Variants in KCNH6 observed in about 807,000 individuals in gnomAD.
KCNH6 encodes the protein voltage-gated inwardly rectifying potassium channel KCNH6.
Under a neutral mutation model 83.4 loss-of-function variants are expected in KCNH6, and 81 were observed. That is an observed-to-expected ratio of 0.97 (90% confidence interval 0.81 to 1.17). KCNH6 has a LOEUF of 1.17. KCNH6 is among the 50% of genes most tolerant of loss of function. The pLI is 0.00. For missense variants in KCNH6, 1,203 were observed against 1,290.5 expected (o/e 0.93, Z 1.04); for synonymous variants, 503 against 545.6 (o/e 0.92, Z 1.09).
intron 10 of KCNH6, chr17:63,544,030 G>C: frequency 6.4e-7 from 1 of 1,567,052 alleles, no homozygotes. Context: ...CATGAGCTGG[G>C]GCCCCAGTTC....
chr17:63,538,789 A>G lies in KCNH6; in HGVS notation c.1954+127A>G. On this transcript the variant is annotated intron_variant, in intron 8 of 12. Coordinates refer to ENST00000314672, the MANE Select transcript of KCNH6 (RefSeq NM_001278919.2). This position sits in a 1 kb window ranked among gnomAD's most constrained non-coding sequence, Gnocchi z 4.0. The stretch of plus-strand genomic sequence containing the variant: ...TACTTTTACTGGCAGCCACTTGCAC[A>G]GCATGTGCCCGGGAGAGCTTTAGAC... The G allele has an allele frequency of 3.0e-6, 3 of 992,472 alleles. No homozygotes were observed. The highest frequency in any genetic ancestry group is 4.4e-6 in the Non-Finnish European group (3 of 684,478). The allele number at this position is 992,472 out of a possible 1,614,324, so 61.5% of individuals were successfully genotyped here.
rs72845069 is a variant in KCNH6, at chr17:63,535,534, G to A, written c.1102-135G>A. 533 of 783,950 alleles carry A rather than the reference G, an allele frequency of 6.8e-4. 1 individual carries two copies. The highest frequency in any genetic ancestry group is 9.4e-4 in the Non-Finnish European group (467 of 496,742). The allele number at this position is 783,950 out of a possible 1,614,324, so 48.6% of individuals were successfully genotyped here. Reference sequence around the variant, plus strand: ...CATACTGTGCCACACTGCCAAGTGCGTGGCCCGGAGGAAGTTCTCCATAAA... The same window carrying A: ...CATACTGTGCCACACTGCCAAGTGCATGGCCCGGAGGAAGTTCTCCATAAA... On this transcript the variant is annotated intron_variant, in intron 5 of 12. Transcript: ENST00000314672. The surrounding 1 kb of genome is among the most constrained non-coding windows in gnomAD (Gnocchi z 4.9).
chr17:63,524,029 C>T, intron 1 of KCNH6, 110 bp from the exon 2 acceptor site: 1 of 777,520 alleles, frequency 1.3e-6, no homozygotes, highest in Non-Finnish European at 2.3e-6. Flanking sequence ...CACTGCCCTG[C>T]TCCTCTGCCT....
chr17:63,531,597 C>T (rs1334227330), intron 4 of KCNH6, among the ~76,000 whole-genome samples: 1 of 152,240 alleles, frequency 6.6e-6, no homozygotes, highest in Non-Finnish European at 1.5e-5. Flanking sequence ...CTCAGCACCT[C>T]ACTGACCTCA....
chr17:63,542,052 A>G (rs2147722588), intron 8 of KCNH6, among the ~76,000 whole-genome samples, 189 bp from the exon 9 acceptor site: 1 of 152,306 alleles, frequency 6.6e-6, no homozygotes, highest in South Asian at 2.1e-4. Flanking sequence ...GGACACAGGA[A>G]GAGAACAGCC....
intron 6 of KCNH6, among the ~76,000 whole-genome samples, chr17:63,537,584 A>G (rs1213630457): frequency 2.0e-5 from 3 of 151,978 alleles, no homozygotes; most frequent in African/African-American, 7.3e-5. Flanking sequence ...ACAGACGGGC[A>G]TCACCATGCC....
Position 63,538,716 on chromosome 17 carries a change from G to A in KCNH6, c.1954+54G>A. The A allele has an allele frequency of 2.7e-6, 4 of 1,504,614 alleles. No homozygotes were observed. In the South Asian group the frequency reaches 3.9e-5, roughly 15 times the overall value. 93.2% of individuals were successfully genotyped at this position (1,504,614 alleles called of 1,614,324 possible). A position where few individuals can be genotyped will look rare whatever the true frequency, so the allele number is the denominator to read the frequency against. Reference sequence around the variant, plus strand: ...TGTTGGGGATTGGATGGAAGAGGGCGGGATTGGAGATGCCCTGCCCAGGCC... The same window carrying A: ...TGTTGGGGATTGGATGGAAGAGGGCAGGATTGGAGATGCCCTGCCCAGGCC... On this transcript the variant is annotated intron_variant, in intron 8 of 12. Coordinates refer to ENST00000314672, the MANE Select transcript of KCNH6 (RefSeq NM_001278919.2). The surrounding 1 kb of genome is among the most constrained non-coding windows in gnomAD (Gnocchi z 4.0).
chr17:63,535,750 G>A lies in KCNH6; in HGVS notation c.1183G>A (p.Glu395Lys). The change falls in exon 6 of 13, where the codon GAG becomes AAG. Residue 395 changes from glutamate (E) to lysine (K), a missense_variant. By Grantham distance (56) the Glu-to-Lys change is moderately conservative. Transcript: ENST00000314672. The surrounding 1 kb of genome is among the most constrained non-coding windows in gnomAD (Gnocchi z 4.9). Reference sequence around the variant, plus strand: ...AGCACGGAAGCTGGACCGCTACTCTGAGTATGGGGCGGCTGTGCTCTTCTT... The same window carrying A: ...AGCACGGAAGCTGGACCGCTACTCTAAGTATGGGGCGGCTGTGCTCTTCTT... ...RVARKLDRYSEYGAAVLFLLM... is the reference protein window; with the variant it reads ...RVARKLDRYSKYGAAVLFLLM... 6.2e-7 allele frequency: 1 copy of A among 1,614,080 alleles called. No individual in the cohort carries two copies. Among genetic ancestry groups the A allele is most frequent in the Non-Finnish European group, 8.5e-7 (1 of 1,180,052 alleles).
intron 11 of KCNH6, 21 bp downstream of exon 11, chr17:63,544,432 G>T: frequency 1.3e-6 from 2 of 1,501,136 alleles, no homozygotes; most frequent in Non-Finnish European, 1.8e-6. Flanking sequence ...TGTGGTCAGG[G>T]CTGGGGGCTG....
At position 63,524,229 on chromosome 17, in the gene KCNH6, G is replaced by C; in HGVS notation, c.167G>C (p.Arg56Pro). The change falls in exon 2 of 13, where the codon CGA becomes CCA. Residue 56 changes from arginine (R) to proline (P), a missense_variant. By Grantham distance (103) the Arg-to-Pro change is moderately radical. Coordinates refer to ENST00000314672, the MANE Select transcript of KCNH6 (RefSeq NM_001278919.2). Reference protein sequence around the residue: ...DGFCELFGYSRVEVMQQPCTC... With the variant: ...DGFCELFGYSPVEVMQQPCTC... ...TTCTGCGAACTCTTCGGCTACTCCC[G>C]AGTGGAGGTGATGCAGCAACCCTGC... The C allele has an allele frequency of 6.2e-7, 1 of 1,614,106 alleles. No homozygotes were observed. Among genetic ancestry groups the C allele is most frequent in the Non-Finnish European group, 8.5e-7 (1 of 1,180,040 alleles).
chr17:63,544,998 C>T (rs531914054), intron 11 of KCNH6, 80 bp from the exon 12 acceptor site: 710 of 1,399,034 alleles, frequency 5.1e-4, no homozygotes, highest in Non-Finnish European at 6.2e-4. Flanking sequence ...AGGAACAGCA[C>T]GCAGGCTACA....
chr17:63,530,088 C>A lies in KCNH6; in HGVS notation c.308-3C>A. 6.2e-7 allele frequency: 1 copy of A among 1,612,816 alleles called. No homozygotes were observed. The highest frequency in any genetic ancestry group is 8.5e-7 in the Non-Finnish European group (1 of 1,179,894). On this transcript the variant is annotated splice_polypyrimidine_tract_variant and splice_region_variant and intron_variant, in intron 2 of 12. Coordinates refer to ENST00000314672, the MANE Select transcript of KCNH6 (RefSeq NM_001278919.2). ...CCCCCCATCCTCCCAATGGTGTTCG[C>A]AGCCTCCAGCTTCCGCTGCCTGGTA...
Position 63,544,411 on chromosome 17 carries a change from G to C in KCNH6, c.2396G>C (p.Arg799Thr), listed in dbSNP as rs1360641891. The C allele has an allele frequency of 1.3e-6, 2 of 1,565,268 alleles. No individual in the cohort carries two copies. Among genetic ancestry groups the C allele is most frequent in the Non-Finnish European group, 8.6e-7 (1 of 1,157,604 alleles). ...RLEQLQAQMN[R>T]LESRVSSDLS... Reference sequence around the variant, plus strand: ...GAGCAGCTCCAGGCCCAGATGAACAGGTGTGTGTGCTGTGGTCAGGGCTGG... The same window carrying C: ...GAGCAGCTCCAGGCCCAGATGAACACGTGTGTGTGCTGTGGTCAGGGCTGG... Residue 799 changes from arginine to threonine, a missense_variant and splice_region_variant, in exon 11 of 13, where the codon AGG (arginine) becomes ACG (threonine). Coordinates refer to ENST00000314672, the MANE Select transcript of KCNH6 (RefSeq NM_001278919.2).
In KCNH6 at chr17:63,530,236, G is replaced by A. The variant is rs1299793380; in HGVS notation, c.453G>A (p.Gln151=). 3 of 1,614,108 alleles carry A rather than the reference G, an allele frequency of 1.9e-6. No individual in the cohort carries two copies. The highest frequency in any genetic ancestry group is 2.2e-5 in the South Asian group (2 of 91,084). ...GCTTGTCCCAGCGCCTGTTGTCCCA[G>A]AGCTTCCTGGGCTCCGGTGAGGCAG... ...SRSLSQRLLS[Q]SFLGSEGSHG... Residue 151 remains glutamine, a synonymous_variant, in exon 3 of 13, where the codon CAG becomes CAA. Coordinates refer to ENST00000314672, the MANE Select transcript of KCNH6 (RefSeq NM_001278919.2).
chr17:63,524,861 C>T lies in KCNH6; in HGVS notation c.307+492C>T, dbSNP rs139447935. On this transcript the variant is annotated intron_variant, in intron 2 of 12. Transcript: ENST00000314672. ...AGACAGGGTCTGGAGTTTTCCCTGACCAAGAAGCTCATTCAGATGGAGTTT... is the reference window on the plus strand; with the variant it reads ...AGACAGGGTCTGGAGTTTTCCCTGATCAAGAAGCTCATTCAGATGGAGTTT... 3.2e-3 allele frequency among the ~76,000 whole-genome samples: 480 copies of T among 152,214 alleles called. 6 individuals carry two copies. Among genetic ancestry groups the T allele is most frequent in the African/African-American group, 0.011 (450 of 41,518 alleles).
chr17:63,538,032 C>T lies in KCNH6; in HGVS notation c.1502-33C>T. 1 of 1,601,710 alleles carries T rather than the reference C, an allele frequency of 6.2e-7. No homozygotes were observed. The highest frequency in any genetic ancestry group is 8.5e-7 in the Non-Finnish European group (1 of 1,174,774). ...CCTTGGTGGTGTGGCCCAGTGGGGCCGCGGAGGAGCTCACTCTCCGCCCCG... is the reference window on the plus strand; with the variant it reads ...CCTTGGTGGTGTGGCCCAGTGGGGCTGCGGAGGAGCTCACTCTCCGCCCCG... On this transcript the variant is annotated intron_variant, in intron 6 of 12. Transcript: ENST00000314672. The surrounding 1 kb of genome is among the most constrained non-coding windows in gnomAD (Gnocchi z 4.0).
Position 63,535,397 on chromosome 17 carries a change from C to T in KCNH6, c.1102-272C>T, listed in dbSNP as rs1290341988. Among the ~76,000 whole-genome samples the T allele has an allele frequency of 6.6e-6, 1 of 152,164 alleles. No individual in the cohort carries two copies. Among genetic ancestry groups the T allele is most frequent in the Non-Finnish European group, 1.5e-5 (1 of 68,032 alleles). On this transcript the variant is annotated intron_variant, in intron 5 of 12. Transcript: ENST00000314672. The surrounding 1 kb of genome is among the most constrained non-coding windows in gnomAD (Gnocchi z 4.9). Reference sequence around the variant, plus strand: ...CTCTCTCCAGGCTCAGCTCATGCGTCACCTCATCCATGAAGCCTCCCCTGA... The same window carrying T: ...CTCTCTCCAGGCTCAGCTCATGCGTTACCTCATCCATGAAGCCTCCCCTGA...
At position 63,534,957 on chromosome 17, in the gene KCNH6, C is replaced by T. The variant is rs564035422; in HGVS notation, c.1101+646C>T. On this transcript the variant is annotated intron_variant, in intron 5 of 12. Transcript: ENST00000314672. The surrounding 1 kb of genome is among the most constrained non-coding windows in gnomAD (Gnocchi z 5.0). Reference sequence around the variant, plus strand: ...CCACCCTCCTACCTTGCTGCCCCCACCTGGACACTGAGTGGCCTTCGTACT... The same window carrying T: ...CCACCCTCCTACCTTGCTGCCCCCATCTGGACACTGAGTGGCCTTCGTACT... 6.6e-6 allele frequency among the ~76,000 whole-genome samples: 1 copy of T among 152,274 alleles called. No individual in the cohort carries two copies. The highest frequency in any genetic ancestry group is 1.9e-4 in the East Asian group (1 of 5,182).
At chr17:63,527,046 G>A (rs558207636) in intron 2 of KCNH6, among the ~76,000 whole-genome samples, 2 of 152,204 alleles carry the variant, frequency 1.3e-5, no homozygotes, top group East Asian at 3.9e-4. Flanking sequence ...TGTCACCCAC[G>A]CCTGCCCCGC....
Sources: gnomAD v4.1 joint callset for allele counts (sites outside exome capture counted in the v4.1 genomes callset) on GRCh38, gnomAD v4.1.1 for gene constraint, Gnocchi (gnomAD v3.1) non-coding constraint, MANE v1.5 for transcripts, NCBI Gene and HGNC (gene_info 2026-07-23, HGNC 2026-07-21) for gene names.